CNTNAP3: variants seen among roughly 807,000 people sequenced by gnomAD.
CNTNAP3 encodes contactin-associated protein-like 3.
Under a neutral mutation model 92.1 loss-of-function variants are expected in CNTNAP3, and 36 were observed. The ratio of observed to expected loss-of-function variants is 0.39; its 90% CI spans 0.30 to 0.52. The LOEUF is 0.52. CNTNAP3 is among the 20% of genes least tolerant of loss of function. CNTNAP3 has a pLI of 0.76. For missense variants in CNTNAP3, 534 were observed against 1,069.6 expected (o/e 0.50, Z 6.98); for synonymous variants, 232 against 422.3 (o/e 0.55, Z 5.53).
chr9:39,116,609 C>T (rs547704925), intron 14 of CNTNAP3, among the ~76,000 whole-genome samples: 1 of 152,276 alleles, frequency 6.6e-6, no homozygotes, highest in Non-Finnish European at 1.5e-5. Flanking sequence ...CTGTTACTCA[C>T]TGCACTAAAA....
chr9:39,099,912 A>G lies in CNTNAP3; in HGVS notation c.2994T>C (p.Asn998=). ...AACCTGCTCCTTGGTCACACTTACCATTGGAGCAGAACGGCCCATCATAGG... is the reference window on the plus strand; with the variant it reads ...AACCTGCTCCTTGGTCACACTTACCGTTGGAGCAGAACGGCCCATCATAGG... ...FSAYDGPFCS[N]EISAYFATGS... The change falls in exon 18 of 24, where the codon AAT becomes AAC. Residue 998 remains asparagine (N), a splice_region_variant and synonymous_variant. Transcript: ENST00000297668. 6.2e-7 allele frequency: 1 copy of G among 1,611,204 alleles called. No individual in the cohort carries two copies. Among genetic ancestry groups the G allele is most frequent in the South Asian group, 1.1e-5 (1 of 90,840 alleles).
intron 14 of CNTNAP3, among the ~76,000 whole-genome samples, chr9:39,117,079 A>T (rs930136907): frequency 6.6e-6 from 1 of 151,758 alleles, no homozygotes; most frequent in Non-Finnish European, 1.5e-5. Context: ...TGCAACCTCT[A>T]CCTCCTGGGT....
rs199966378 is a variant in CNTNAP3 at position 39,065,689 on chromosome 9, G to A, written c.*8201C>T. 0.036 allele frequency among the ~76,000 whole-genome samples: 5,466 copies of A among 150,070 alleles called. No homozygotes were observed. Among genetic ancestry groups the A allele is most frequent in the East Asian group, 0.24 (1,201 of 5,046 alleles). Reference sequence around the variant, plus strand: ...TTTAGTGGGAAGAATAACTCACTGTGGTTTTAATTTGCATTTCCTTAATGA... The same window carrying A: ...TTTAGTGGGAAGAATAACTCACTGTAGTTTTAATTTGCATTTCCTTAATGA... On this transcript the variant is annotated 3_prime_UTR_variant, in exon 24 of 24. Coordinates refer to ENST00000297668, the MANE Select transcript of CNTNAP3 (RefSeq NM_033655.5).
intron 18 of CNTNAP3, among the ~76,000 whole-genome samples, chr9:39,095,791 T>C (rs1287968784): frequency 6.9e-6 from 1 of 144,552 alleles, no homozygotes; most frequent in East Asian, 2.1e-4. Context: ...GCTTCAGGTT[T>C]ACATTAACTT....
chr9:39,073,055 C>A lies in CNTNAP3; in HGVS notation c.*835G>T, dbSNP rs1307062602. The A allele has an allele frequency of 6.5e-6, 1 of 152,746 alleles. No homozygotes were observed. Among genetic ancestry groups the A allele is most frequent in the East Asian group, 1.9e-4 (1 of 5,206 alleles). 9.5% of individuals were successfully genotyped at this position (152,746 alleles called of 1,614,324 possible). A position where few individuals can be genotyped will look rare whatever the true frequency, so the allele number is the denominator to read the frequency against. On this transcript the variant is annotated 3_prime_UTR_variant, in exon 24 of 24. Transcript: ENST00000297668. ...TTACAAAAACTGTAATTACAAATTA[C>A]AAAGAAAAACAGGCAGACAATCTTG...
chr9:39,094,093 A>T (rs1295635856), intron 18 of CNTNAP3, among the ~76,000 whole-genome samples: 3 of 151,448 alleles, frequency 2.0e-5, no homozygotes, highest in Non-Finnish European at 4.4e-5. Flanking sequence ...GCAGCTCATT[A>T]TACTTTTCGT....
At chr9:39,106,482 T>C (rs1459720816) in intron 15 of CNTNAP3, 1 of 152,132 alleles carries the variant, frequency 6.6e-6, no homozygotes, top group African/African-American at 2.4e-5. Context: ...GACGGGGTCT[T>C]ACCATCTTGT....
chr9:39,103,378 T>TG (rs1826514491), intron 16 of CNTNAP3, among the ~76,000 whole-genome samples: 1 of 152,128 alleles, frequency 6.6e-6, no homozygotes. Flanking sequence ...GGCCAGGAGT[T>TG]GAAGACCAGC....
chr9:39,071,630 TA>T lies in CNTNAP3; in HGVS notation c.*2259del, dbSNP rs1357384993. On this transcript the variant is annotated 3_prime_UTR_variant, in exon 24 of 24. Coordinates refer to ENST00000297668, the MANE Select transcript of CNTNAP3 (RefSeq NM_033655.5). ...AGCATCTATGTATCTAAATAACGTT[TA>T]GTGACTTAATTCTCTGCAACAGTAA... 6.6e-6 allele frequency among the ~76,000 whole-genome samples: 1 copy of T among 152,038 alleles called. No homozygotes were observed. Among genetic ancestry groups the T allele is most frequent in the Non-Finnish European group, 1.5e-5 (1 of 67,958 alleles).
At chr9:39,111,972 A>T (rs1041055806) in intron 14 of CNTNAP3, among the ~76,000 whole-genome samples, 1 of 151,978 alleles carries the variant, frequency 6.6e-6, no homozygotes, top group African/African-American at 2.4e-5. Context: ...ATCAAAATAG[A>T]ATACTCAGGA....
chr9:39,157,193 T>C (rs58093015), intron 9 of CNTNAP3, among the ~76,000 whole-genome samples: 8 of 2,604 alleles, frequency 3.1e-3, no homozygotes, highest in African/African-American at 9.4e-3. Context: ...CACCTCGGAA[T>C]ATGAGGAAAG....
rs1199837802 is a variant in CNTNAP3 at position 39,070,892 on chromosome 9, G to T, written c.*2998C>A. Among the ~76,000 whole-genome samples the T allele has an allele frequency of 6.6e-6, 1 of 152,198 alleles. No homozygotes were observed. Among genetic ancestry groups the T allele is most frequent in the Non-Finnish European group, 1.5e-5 (1 of 67,998 alleles). On this transcript the variant is annotated 3_prime_UTR_variant, in exon 24 of 24. Coordinates refer to ENST00000297668, the MANE Select transcript of CNTNAP3 (RefSeq NM_033655.5). ...AACAAAGATCCAGAATTATTGGTCA[G>T]TCTAGGCAAACAGTATCAAACAGCC...
At chr9:39,107,993 A>G (rs1320427298) in intron 15 of CNTNAP3, among the ~76,000 whole-genome samples, 1 of 152,174 alleles carries the variant, frequency 6.6e-6, no homozygotes, top group Non-Finnish European at 1.5e-5. Flanking sequence ...ATTTCACCCT[A>G]CTTGCAAGCT....
intron 15 of CNTNAP3, among the ~76,000 whole-genome samples, chr9:39,104,623 C>A (rs2778218): frequency 6.6e-6 from 1 of 151,982 alleles, no homozygotes; most frequent in Admixed American, 6.6e-5. Flanking sequence ...CACATGTATT[C>A]CTCAGGCCTC....
intron 18 of CNTNAP3, among the ~76,000 whole-genome samples, chr9:39,089,483 G>A (rs1367744030): frequency 1.3e-5 from 2 of 152,094 alleles, no homozygotes; most frequent in African/African-American, 4.8e-5. Context: ...CATTTGGGTT[G>A]TTTCTACTTT....
intron 21 of CNTNAP3, among the ~76,000 whole-genome samples, chr9:39,082,627 G>T (rs1825973449): frequency 6.6e-6 from 1 of 152,284 alleles, no homozygotes; most frequent in Non-Finnish European, 1.5e-5. Context: ...CTTTACTCAG[G>T]CCACTTCTCA....
chr9:39,077,670 A>C (rs957458327), intron 23 of CNTNAP3, among the ~76,000 whole-genome samples: 15 of 152,236 alleles, frequency 9.9e-5, no homozygotes, highest in Admixed American at 7.8e-4. Context: ...AAAGTACCAT[A>C]AAGTGTATGC....
At chr9:39,083,292 T>C (rs1280703147) in intron 21 of CNTNAP3, among the ~76,000 whole-genome samples, 19 of 152,252 alleles carry the variant, frequency 1.2e-4, no homozygotes, top group Non-Finnish European at 1.5e-5. Context: ...TTTTTTTTAC[T>C]TTTTGGGAGC....
intron 11 of CNTNAP3, among the ~76,000 whole-genome samples, chr9:39,142,588 C>T (rs1339199380): frequency 1.3e-4 from 20 of 151,130 alleles, no homozygotes; most frequent in East Asian, 3.9e-4. Context: ...AGGAGAATGG[C>T]GTGAACCCGG....
Sources: allele counts gnomAD v4.1 joint callset (sites outside exome capture counted in the v4.1 genomes callset), GRCh38; gene constraint gnomAD v4.1.1; transcripts MANE v1.5; gene names NCBI Gene and HGNC (gene_info 2026-07-23, HGNC 2026-07-21).